Variants in GAREM1 observed in about 807,000 individuals in gnomAD.
GAREM1 encodes the protein GRB2-associated and regulator of MAPK protein 1.
A neutral mutation model predicts 71.3 loss-of-function variants in GAREM1; 26 were observed. That is an observed-to-expected ratio of 0.36 (90% CI 0.27 to 0.51). The LOEUF is 0.51. Among genes scored for constraint, GAREM1 ranks in the 20% least tolerant of loss-of-function variants. The probability of loss-of-function intolerance (pLI) is 0.95; values close to 1 mark genes in which losing one functional copy is unlikely to be tolerated. For missense variants in GAREM1, 1,026 were observed against 1,103.1 expected (o/e 0.93, Z 0.99); for synonymous variants, 440 against 433.2 (o/e 1.02, Z -0.20).
chr18:32,443,239 G>A (rs192439141), intron 1 of GAREM1, among the ~76,000 whole-genome samples: 54 of 152,214 alleles, frequency 3.5e-4, no homozygotes, highest in African/African-American at 1.1e-3. Context: ...TTTGGCAATG[G>A]TTTCTTATGT....
chr18:32,350,780 G>A (rs957133543), intron 2 of GAREM1, among the ~76,000 whole-genome samples: 1 of 152,020 alleles, frequency 6.6e-6, no homozygotes, highest in Non-Finnish European at 1.5e-5. Context: ...TGGCCTTCTG[G>A]TTTCAAAGTA....
intron 3 of GAREM1, among the ~76,000 whole-genome samples, chr18:32,309,387 G>A (rs1567958642): frequency 6.7e-6 from 1 of 148,800 alleles, no homozygotes; most frequent in Non-Finnish European, 1.5e-5. Context: ...AGGCCAAGGT[G>A]GGCAGATCAC....
At chr18:32,399,837 G>A (rs998110151) in intron 1 of GAREM1, among the ~76,000 whole-genome samples, 11 of 152,196 alleles carry the variant, frequency 7.2e-5, no homozygotes, top group African/African-American at 2.7e-4. Flanking sequence ...AAGTTCATAT[G>A]GAACCAAAAA....
At chr18:32,452,312 T>C (rs73954814) in intron 1 of GAREM1, among the ~76,000 whole-genome samples, 2 of 152,040 alleles carry the variant, frequency 1.3e-5, no homozygotes, top group Admixed American at 6.6e-5. Flanking sequence ...AGGGAAGGGA[T>C]GTTAAGAGCC....
At chr18:32,285,040 C>T (rs1185018429) in intron 4 of GAREM1, among the ~76,000 whole-genome samples, 10 of 151,892 alleles carry the variant, frequency 6.6e-5, no homozygotes, top group Non-Finnish European at 8.8e-5. Context: ...TGAGCCACTG[C>T]GCCTGGCCCG....
intron 1 of GAREM1, among the ~76,000 whole-genome samples, chr18:32,439,217 G>A (rs2048711213): frequency 6.6e-6 from 1 of 152,080 alleles, no homozygotes; most frequent in South Asian, 2.1e-4. Context: ...AGAATTCTAA[G>A]GCCCACTTTC....
At chr18:32,374,579 T>C (rs937609788) in intron 2 of GAREM1, among the ~76,000 whole-genome samples, 2 of 152,200 alleles carry the variant, frequency 1.3e-5, no homozygotes, top group Non-Finnish European at 2.9e-5. Context: ...TCTGGAGAAG[T>C]ATGTATAACA....
chr18:32,328,885 T>C (rs2047498581), intron 2 of GAREM1, among the ~76,000 whole-genome samples: 1 of 152,170 alleles, frequency 6.6e-6, no homozygotes, highest in South Asian at 2.1e-4. Flanking sequence ...AGAAGATATT[T>C]GCAAAGCCTA....
At chr18:32,359,622 A>G (rs890567281) in intron 2 of GAREM1, among the ~76,000 whole-genome samples, 3 of 152,148 alleles carry the variant, frequency 2.0e-5, no homozygotes, top group African/African-American at 4.8e-5. Context: ...ACCTGTCTCA[A>G]TATGGTTGAG....
intron 1 of GAREM1, among the ~76,000 whole-genome samples, chr18:32,430,266 T>C (rs2048611191): frequency 6.6e-6 from 1 of 152,092 alleles, no homozygotes; most frequent in South Asian, 2.1e-4. Flanking sequence ...TCAACTATAT[T>C]ACAAATGAAT....
chr18:32,324,197 A>G (rs117681157), intron 2 of GAREM1, among the ~76,000 whole-genome samples: 448 of 152,330 alleles, frequency 2.9e-3, no homozygotes, highest in Non-Finnish European at 4.6e-3. Context: ...TTTCAGTACT[A>G]TGGTGCTTAT....
chr18:32,348,549 C>T (rs550038597), intron 2 of GAREM1, among the ~76,000 whole-genome samples: 2 of 151,936 alleles, frequency 1.3e-5, no homozygotes, highest in Admixed American at 6.6e-5. Context: ...CATGGTGAAA[C>T]GCCATCTCTA....
At chr18:32,364,414 C>T (rs2047909115) in intron 2 of GAREM1, among the ~76,000 whole-genome samples, 1 of 152,024 alleles carries the variant, frequency 6.6e-6, no homozygotes. Flanking sequence ...CACGTACACA[C>T]ATGCACACAC....
intron 2 of GAREM1, among the ~76,000 whole-genome samples, chr18:32,371,046 G>A (rs1229960289): frequency 6.6e-6 from 1 of 152,170 alleles, no homozygotes; most frequent in Non-Finnish European, 1.5e-5. Flanking sequence ...GTCAGAAAGA[G>A]AGGATTATAG....
chr18:32,285,471 G>A (rs1049082281), intron 4 of GAREM1, among the ~76,000 whole-genome samples: 1 of 152,196 alleles, frequency 6.6e-6, no homozygotes, highest in Non-Finnish European at 1.5e-5. Context: ...AGAACTTCTT[G>A]TTTTCCCTCT....
intron 1 of GAREM1, among the ~76,000 whole-genome samples, chr18:32,465,606 C>T (rs1437276322): frequency 6.6e-6 from 1 of 152,150 alleles, no homozygotes; most frequent in Non-Finnish European, 1.5e-5. Context: ...TCCATGCAGC[C>T]TTGGTCTTCC....
intron 2 of GAREM1, among the ~76,000 whole-genome samples, chr18:32,343,062 C>T (rs1258130008): frequency 6.6e-6 from 1 of 152,194 alleles, no homozygotes; most frequent in African/African-American, 2.4e-5. Context: ...ATGGTAAGAA[C>T]ATTGCTAACT....
intron 1 of GAREM1, among the ~76,000 whole-genome samples, chr18:32,446,149 G>A (rs2048783579): frequency 6.6e-6 from 1 of 151,968 alleles, no homozygotes; most frequent in Admixed American, 6.6e-5. Context: ...AAAACACAGG[G>A]ACTGTTGATT....
chr18:32,267,634 CTGAG>C lies in GAREM1; in HGVS notation c.*233_*236del, dbSNP rs977241841. 21 of 392,700 alleles carry C rather than the reference CTGAG, an allele frequency of 5.3e-5. No homozygotes were observed. The highest frequency in any genetic ancestry group is 3.7e-4 in the African/African-American group (18 of 48,744). 24.3% of individuals were successfully genotyped at this position (392,700 alleles called of 1,614,324 possible). A position where few individuals can be genotyped will look rare whatever the true frequency, so the allele number is the denominator to read the frequency against. ...ATGCCTTTTTTTCTTTTAGCAGCTG[CTGAG>C]TGTTTGTTGAGTGACGTACAAGGCA... On this transcript the variant is annotated 3_prime_UTR_variant, in exon 6 of 6. Coordinates refer to ENST00000269209, the MANE Select transcript of GAREM1 (RefSeq NM_001242409.2).
Sources: gnomAD v4.1 joint callset for allele counts (sites outside exome capture counted in the v4.1 genomes callset) on GRCh38, gnomAD v4.1.1 for gene constraint, MANE v1.5 for transcripts, NCBI Gene and HGNC (gene_info 2026-07-23, HGNC 2026-07-21) for gene names.